Variants in KDM2B observed in about 807,000 individuals in gnomAD.
The protein encoded by KDM2B is lysine-specific demethylase 2B.
A neutral mutation model predicts 150.0 loss-of-function variants in KDM2B; 26 were observed. The observed-to-expected ratio is 0.17, with a 90% confidence interval of 0.13 to 0.24. The LOEUF is 0.24. Ranked by LOEUF, KDM2B falls within the 10% of genes least tolerant of loss-of-function variation. The pLI, the probability that KDM2B is intolerant of heterozygous loss-of-function variation, is 1.00. For synonymous variants in KDM2B, 734 were observed against 729.5 expected, an observed-to-expected ratio of 1.01 and a Z score of -0.10; for missense variants, 1,265 against 1,816.9, an observed-to-expected ratio of 0.70 and a Z score of 5.52.
intron 22 of KDM2B, among the ~76,000 whole-genome samples, chr12:121,437,150 A>C (rs1336686101): frequency 7.9e-5 from 12 of 152,152 alleles, no homozygotes; most frequent in Middle Eastern, 3.4e-3. Flanking sequence ...AGAAAACGGA[A>C]GGGGAGGAAA....
chr12:121,492,339 T>C (rs1555300094), intron 12 of KDM2B, among the ~76,000 whole-genome samples: 1 of 151,986 alleles, frequency 6.6e-6, no homozygotes, highest in Non-Finnish European at 1.5e-5. Context: ...AATAAAACTA[T>C]AGTGCATCCC....
At chr12:121,511,669 G>A (rs1461603377) in intron 10 of KDM2B, among the ~76,000 whole-genome samples, 2 of 152,240 alleles carry the variant, frequency 1.3e-5, no homozygotes, top group Non-Finnish European at 2.9e-5. Context: ...GACTGCAGCA[G>A]TGGCTGCATG....
intron 22 of KDM2B, among the ~76,000 whole-genome samples, chr12:121,437,182 G>A (rs895741279): frequency 3.9e-5 from 6 of 152,006 alleles, no homozygotes; most frequent in African/African-American, 7.3e-5. Flanking sequence ...GGCAGCTCTC[G>A]TACAAAAACT....
chr12:121,442,198 G>T lies in KDM2B; in HGVS notation c.3243C>A (p.Asp1081Glu), dbSNP rs1555288464. 1 of 1,613,490 alleles carries T rather than the reference G, an allele frequency of 6.2e-7. No homozygotes were observed. Among genetic ancestry groups the T allele is most frequent in the Non-Finnish European group, 8.5e-7 (1 of 1,180,016 alleles). Residue 1081 changes from aspartate to glutamate, a missense_variant, in exon 19 of 23, where the codon GAC (aspartate) becomes GAA (glutamate). Transcript: ENST00000377071. The surrounding 1 kb of genome is among the most constrained non-coding windows in gnomAD (Gnocchi z 7.7). ...MAVFSYLSHQDLCVCMRVCRT... is the reference protein window; with the variant it reads ...MAVFSYLSHQELCVCMRVCRT... ...TGCAGACCCGCATGCACACACACAG[G>T]TCTTGGTGGCTGAGGTAGCTGAAGA...
Position 121,520,813 on chromosome 12 carries a change from T to TCCCCTGCCC in KDM2B, c.1047+163_1047+171dup, listed in dbSNP as rs1555305727. Among the ~76,000 whole-genome samples, 1 of 150,800 alleles carries TCCCCTGCCC rather than the reference T, an allele frequency of 6.6e-6. No homozygotes were observed. The highest frequency in any genetic ancestry group is 1.5e-5 in the Non-Finnish European group (1 of 67,618). ...CTCCGGGTGTGGCTCCTACAGGCAT[T>TCCCCTGCCC]CCCCTGCCCCCCCTCCCCCGCCACA... On this transcript the variant is annotated intron_variant, in intron 9 of 22. Transcript: ENST00000377071. This position sits in a 1 kb window ranked among gnomAD's most constrained non-coding sequence, Gnocchi z 4.5.
At chr12:121,483,843 A>G (rs1346117313) in intron 12 of KDM2B, among the ~76,000 whole-genome samples, 1 of 152,086 alleles carries the variant, frequency 6.6e-6, no homozygotes, top group Non-Finnish European at 1.5e-5. Flanking sequence ...GCCCCCTCAC[A>G]CTGAGGCATA....
intron 8 of KDM2B, 131 bp downstream of exon 8, chr12:121,532,675 G>T: frequency 1.1e-6 from 1 of 896,572 alleles, no homozygotes; most frequent in South Asian, 1.6e-5. Context: ...CCAGCCCACG[G>T]CTGGCTCCCC....
chr12:121,465,989 AC>A (rs1430075375), intron 12 of KDM2B, among the ~76,000 whole-genome samples: 3 of 152,182 alleles, frequency 2.0e-5, no homozygotes, highest in African/African-American at 7.2e-5. Flanking sequence ...GATTCCTAAC[AC>A]CTCAAAACGC....
At chr12:121,465,245 G>A (rs1879718762) in intron 12 of KDM2B, among the ~76,000 whole-genome samples, 1 of 151,400 alleles carries the variant, frequency 6.6e-6, no homozygotes, top group African/African-American at 2.4e-5. Flanking sequence ...TTGTTTTTTT[G>A]AGACAGAGTC....
At chr12:121,540,962 G>T (rs1186634839) in intron 6 of KDM2B, among the ~76,000 whole-genome samples, 2 of 152,080 alleles carry the variant, frequency 1.3e-5, no homozygotes, top group Non-Finnish European at 2.9e-5. Context: ...GCCAGGTGCA[G>T]TGGCTTGAGT....
chr12:121,511,281 ATTTTTTTTTTT>A (rs35590443), intron 10 of KDM2B, among the ~76,000 whole-genome samples: 1 of 110,464 alleles, frequency 9.1e-6, no homozygotes, highest in South Asian at 2.7e-4. Flanking sequence ...AATGCTAGGA[ATTTTTTTTTTT>A]TTTTTTTTTT....
rs528236278 is a variant in KDM2B, at chr12:121,547,863, G to A, written c.683+1014C>T. ...TTGCCATGTTGGTCTGGCTGGTCTC[G>A]AACTCCTGACCTCGTGATCTGCCCG... On this transcript the variant is annotated intron_variant, in intron 6 of 22. Coordinates refer to ENST00000377071, the MANE Select transcript of KDM2B (RefSeq NM_032590.5). 4.0e-5 allele frequency among the ~76,000 whole-genome samples: 6 copies of A among 151,846 alleles called. No homozygotes were observed. The South Asian group carries it at 8.3e-4, about 21-fold the overall frequency.
chr12:121,441,375 T>C, intron 19 of KDM2B, 142 bp from the exon 20 acceptor site: 2 of 722,614 alleles, frequency 2.8e-6, no homozygotes, highest in South Asian at 2.0e-5. Context: ...ATGTAGCACC[T>C]ATCCTGCCCC....
intron 22 of KDM2B, chr12:121,433,023 G>C (rs1006498022): frequency 2.4e-6 from 1 of 412,130 alleles, no homozygotes; most frequent in East Asian, 7.2e-5. Context: ...GTTACCTGTC[G>C]GTGGTAAGGC....
intron 11 of KDM2B, among the ~76,000 whole-genome samples, chr12:121,499,692 A>C (rs1302757488): frequency 2.6e-5 from 4 of 151,950 alleles, no homozygotes; most frequent in Non-Finnish European, 5.9e-5. Flanking sequence ...TCACGCCTGT[A>C]ATTCCAGCAC....
intron 4 of KDM2B, among the ~76,000 whole-genome samples, chr12:121,551,846 CCCAG>C (rs1351293567): frequency 6.6e-6 from 1 of 152,130 alleles, no homozygotes; most frequent in Non-Finnish European, 1.5e-5. Flanking sequence ...AGCCACCGCG[CCCAG>C]CATGACAGGG....
At chr12:121,436,965 T>C (rs1270927344) in intron 22 of KDM2B, among the ~76,000 whole-genome samples, 14 of 152,008 alleles carry the variant, frequency 9.2e-5, no homozygotes, top group African/African-American at 3.1e-4. Context: ...AGCAACTAAA[T>C]GGGAAGGTAT....
intron 12 of KDM2B, among the ~76,000 whole-genome samples, chr12:121,482,742 T>C (rs1222624407): frequency 6.6e-6 from 1 of 152,202 alleles, no homozygotes; most frequent in African/African-American, 2.4e-5. Context: ...ATGAAACTAA[T>C]TGAATACGGC....
At chr12:121,523,266 G>A (rs560409297) in intron 8 of KDM2B, among the ~76,000 whole-genome samples, 5 of 152,352 alleles carry the variant, frequency 3.3e-5, no homozygotes, top group African/African-American at 1.2e-4. Flanking sequence ...GGGAAATACA[G>A]AGGGGAGGCA....
Sources: gnomAD v4.1 joint callset for allele counts (sites outside exome capture counted in the v4.1 genomes callset) on GRCh38, gnomAD v4.1.1 for gene constraint, Gnocchi (gnomAD v3.1) non-coding constraint, MANE v1.5 for transcripts, NCBI Gene and HGNC (gene_info 2026-07-23, HGNC 2026-07-21) for gene names.